ATM: variants seen among roughly 807,000 people sequenced by gnomAD.
ATM encodes serine-protein kinase ATM.
Under a neutral mutation model 387.0 loss-of-function variants are expected in ATM, and 308 were observed. That is an observed-to-expected ratio of 0.80 (90% confidence interval 0.73 to 0.87). ATM has a LOEUF of 0.87. Ranked by LOEUF, ATM falls within the 40% of genes least tolerant of loss-of-function variation. The pLI is 0.00. For synonymous variants in ATM, 1,156 were observed against 1,187.3 expected (o/e 0.97, Z 0.54); for missense variants, 3,312 against 3,560.9 (o/e 0.93, Z 1.78).
In ATM at chr11:108,359,986, C is replaced by CA. The variant is rs2090510146; in HGVS notation, c.8851-5090dup. ...GGAAATAGAGACACAAAAAACCCTT[C>CA]AAAAAATTAATGAATCCAGGAGCTG... On this transcript the variant is annotated intron_variant, in intron 61 of 62. Coordinates refer to ENST00000675843, the MANE Select transcript of ATM (RefSeq NM_000051.4). 2.7e-5 allele frequency among the ~76,000 whole-genome samples: 4 copies of CA among 149,672 alleles called. No homozygotes were observed. The East Asian group carries it at 7.8e-4, about 29-fold the overall frequency.
chr11:108,332,166 G>A (rs1245300508), intron 52 of ATM, 129 bp downstream of exon 52: 15 of 1,199,566 alleles, frequency 1.3e-5, no homozygotes, highest in Admixed American at 2.1e-5. Context: ...GGTGGCTCAC[G>A]CCTGTAATCC....
intron 17 of ATM, 35 bp downstream of exon 17, chr11:108,267,377 C>G (rs945170443): frequency 8.7e-6 from 14 of 1,600,164 alleles, no homozygotes; most frequent in Non-Finnish European, 9.4e-6. Context: ...ATTTCTTTTA[C>G]TTCTTTATAT....
intron 16 of ATM, among the ~76,000 whole-genome samples, chr11:108,265,329 C>A (rs1337822261): frequency 6.6e-6 from 1 of 152,092 alleles, no homozygotes; most frequent in Non-Finnish European, 1.5e-5. Flanking sequence ...AATAACGCTG[C>A]ATATCTACAA....
intron 61 of ATM, 67 bp downstream of exon 61, chr11:108,354,941 A>C: frequency 3.0e-6 from 4 of 1,321,098 alleles, no homozygotes; most frequent in Non-Finnish European, 4.4e-6. Context: ...CTCATCAGGA[A>C]GTCACTGATG....
chr11:108,269,379 G>C (rs1169861641), intron 18 of ATM, among the ~76,000 whole-genome samples: 2 of 152,044 alleles, frequency 1.3e-5, no homozygotes. Flanking sequence ...CGAGAATGTT[G>C]CAAAAGTAAT....
intron 61 of ATM, chr11:108,356,199 C>A (rs115198980): frequency 6.6e-6 from 1 of 151,976 alleles, no homozygotes; most frequent in African/African-American, 2.4e-5. Flanking sequence ...TCAATAATGT[C>A]GAAATTAAAC....
chr11:108,293,180 G>A, intron 30 of ATM, 133 bp from the exon 31 acceptor site: 1 of 638,582 alleles, frequency 1.6e-6, no homozygotes, highest in South Asian at 2.3e-5. Context: ...TAAAAGCTGG[G>A]TATCTTAGAC....
intron 37 of ATM, among the ~76,000 whole-genome samples, chr11:108,306,628 T>C (rs1475986510): frequency 6.6e-6 from 1 of 152,248 alleles, no homozygotes; most frequent in Non-Finnish European, 1.5e-5. Flanking sequence ...AATATTTTTA[T>C]TACCTTAAGT....
chr11:108,324,548 T>G (rs529045795), intron 45 of ATM, among the ~76,000 whole-genome samples: 1 of 152,116 alleles, frequency 6.6e-6, no homozygotes, highest in Non-Finnish European at 1.5e-5. Context: ...TGAGACCTGC[T>G]GTGGTAGGGT....
chr11:108,363,043 C>T (rs1030702303), intron 61 of ATM, among the ~76,000 whole-genome samples: 4 of 152,188 alleles, frequency 2.6e-5, no homozygotes, highest in African/African-American at 9.6e-5. Context: ...TCTACCTAAT[C>T]TTCCCTCCGT....
At position 108,244,874 on chromosome 11, in the gene ATM, GA is replaced by G; in HGVS notation, c.750del (p.Val251CysfsTer4). 1 of 1,613,746 alleles carries G rather than the reference GA, an allele frequency of 6.2e-7. No individual in the cohort carries two copies. The highest frequency in any genetic ancestry group is 8.5e-7 in the Non-Finnish European group (1 of 1,179,896). Reference protein sequence around the residue: ...LKTLAVNFRIRVCELGDEILP... With the variant: ...LKTLAVNFRIXVCELGDEILP... ...ACTTTGGCTGTCAACTTTCGAATTCGAGTGTGTGAATTAGGAGATGAAATTC... is the reference window on the plus strand; with the variant it reads ...ACTTTGGCTGTCAACTTTCGAATTCGGTGTGTGAATTAGGAGATGAAATTC... On this transcript the variant is annotated frameshift_variant, in exon 7 of 63. Coordinates refer to ENST00000675843, the MANE Select transcript of ATM (RefSeq NM_000051.4). LOFTEE classifies it high-confidence loss of function.
chr11:108,357,816 A>T (rs1159861689), intron 61 of ATM, among the ~76,000 whole-genome samples: 2 of 151,936 alleles, frequency 1.3e-5, no homozygotes, highest in Non-Finnish European at 2.9e-5. Context: ...ATCAAAGACC[A>T]AAAGTAGATA....
intron 56 of ATM, among the ~76,000 whole-genome samples, chr11:108,342,170 G>A (rs375548399): frequency 2.6e-5 from 4 of 152,152 alleles, no homozygotes; most frequent in Admixed American, 6.5e-5. Flanking sequence ...AATTCTTCCA[G>A]TGTGGCCCAG....
chr11:108,223,852 G>A (rs540325922), intron 1 of ATM: 5 of 152,376 alleles, frequency 3.3e-5, no homozygotes, highest in African/African-American at 7.2e-5. Flanking sequence ...AAGCCTTCCA[G>A]ATGGAAGGAA....
chr11:108,336,799 A>C (rs1371858998), intron 56 of ATM, among the ~76,000 whole-genome samples: 2 of 152,228 alleles, frequency 1.3e-5, no homozygotes, highest in Non-Finnish European at 1.5e-5. Context: ...GCCTGAGAAG[A>C]CAATCCTCAG....
rs1183646267 is a variant in ATM, at chr11:108,281,026, A to G, written c.3434A>G (p.Asp1145Gly). 2 of 1,613,160 alleles carry G rather than the reference A, an allele frequency of 1.2e-6. No homozygotes were observed. Among genetic ancestry groups the G allele is most frequent in the Admixed American group, 1.7e-5 (1 of 59,986 alleles). The change falls in exon 24 of 63, where the codon GAT (aspartate) becomes GGT (glycine). Residue 1145 changes from aspartate (D) to glycine (G), a missense_variant. By Grantham distance (94) the Asp-to-Gly change is moderately conservative. Transcript: ENST00000675843. ...AGTGCTGAGAACCCTGAAACTTTGG[A>G]TGAAATTTATAATAGAAAATCTGTT... ...SHSAENPETL[D>G]EIYNRKSVLL...
chr11:108,265,993 G>A (rs2081212641), intron 16 of ATM, among the ~76,000 whole-genome samples: 2 of 151,846 alleles, frequency 1.3e-5, no homozygotes, highest in African/African-American at 2.4e-5. Context: ...AACAGGTGCT[G>A]GAGAGGATGT....
At chr11:108,309,523 A>T (rs540716523) in intron 38 of ATM, among the ~76,000 whole-genome samples, 1 of 152,324 alleles carries the variant, frequency 6.6e-6, no homozygotes, top group South Asian at 2.1e-4. Flanking sequence ...AGTAGGCAAT[A>T]TAGCTAGATT....
At chr11:108,321,183 G>T in intron 44 of ATM, 118 bp from the exon 45 acceptor site, 1 of 1,332,476 alleles carries the variant, frequency 7.5e-7, no homozygotes, top group Non-Finnish European at 1.0e-6. Context: ...TTGCTTGTTA[G>T]TATTATTAGA....
Sources: allele counts gnomAD v4.1 joint callset (sites outside exome capture counted in the v4.1 genomes callset), GRCh38; gene constraint gnomAD v4.1.1; transcripts MANE v1.5; gene names NCBI Gene and HGNC (gene_info 2026-07-23, HGNC 2026-07-21).